Variants in SHLD2 observed in about 807,000 individuals in gnomAD.
SHLD2 encodes the protein shieldin complex subunit 2, also known as RINN1-REV7-interacting novel NHEJ regulator 2.
A neutral mutation model predicts 73.2 loss-of-function variants in SHLD2; 30 were observed. That is an observed-to-expected ratio of 0.41 (90% CI 0.31 to 0.56). The LOEUF is 0.56. Among genes scored for constraint, SHLD2 ranks in the 20% least tolerant of loss-of-function variants. SHLD2 has a pLI of 0.28. For missense variants in SHLD2, 745 were observed against 1,055.9 expected, an observed-to-expected ratio of 0.71 and a Z score of 4.08; for synonymous variants, 285 against 370.1, an observed-to-expected ratio of 0.77 and a Z score of 2.64.
At chr10:87,104,092 G>T (rs909085059) in intron 2 of SHLD2, among the ~76,000 whole-genome samples, 2 of 151,008 alleles carry the variant, frequency 1.3e-5, no homozygotes, top group African/African-American at 4.9e-5. Flanking sequence ...AATCAGCCGG[G>T]CATGATGGCG....
At chr10:87,123,730 A>G (rs1463127217) in intron 2 of SHLD2, among the ~76,000 whole-genome samples, 2 of 152,206 alleles carry the variant, frequency 1.3e-5, no homozygotes, top group East Asian at 1.9e-4. Context: ...CAGATCCCTC[A>G]TGGCATAGTG....
intron 2 of SHLD2, among the ~76,000 whole-genome samples, chr10:87,097,302 T>C (rs1015183472): frequency 6.6e-6 from 1 of 152,266 alleles, no homozygotes; most frequent in African/African-American, 2.4e-5. Flanking sequence ...GGCTCACGCC[T>C]GTAATCCCAG....
intron 2 of SHLD2, among the ~76,000 whole-genome samples, chr10:87,108,344 C>T (rs957911571): frequency 5.3e-5 from 8 of 152,100 alleles, no homozygotes; most frequent in Admixed American, 5.2e-4. Flanking sequence ...CCACTGCGTT[C>T]AGCCTAATTT....
At position 87,191,133 on chromosome 10, in the gene SHLD2, T is replaced by A; in HGVS notation, c.*450T>A. On this transcript the variant is annotated 3_prime_UTR_variant, in exon 10 of 10. Coordinates refer to ENST00000298786, the MANE Select transcript of SHLD2 (RefSeq NM_001330112.2). ...TATAACTATAATGATAATGGATTAG[T>A]TTATATAAACCTATGTTTAGACAAG... is the stretch of plus-strand genomic sequence containing the variant. 5.3e-6 allele frequency: 1 copy of A among 190,390 alleles called. No individual in the cohort carries two copies. Among genetic ancestry groups the A allele is most frequent in the South Asian group, 9.7e-5 (1 of 10,326 alleles). 11.8% of individuals were successfully genotyped at this position (190,390 alleles called of 1,614,324 possible). A position where few individuals can be genotyped will look rare whatever the true frequency, so the allele number is the denominator to read the frequency against.
At chr10:87,138,781 A>G (rs1486197545) in intron 2 of SHLD2, among the ~76,000 whole-genome samples, 2 of 152,244 alleles carry the variant, frequency 1.3e-5, no homozygotes, top group Non-Finnish European at 1.5e-5. Context: ...AGAAAACAGG[A>G]CAAAAATACA....
chr10:87,133,137 C>T (rs573573948), intron 2 of SHLD2, among the ~76,000 whole-genome samples: 6 of 151,860 alleles, frequency 4.0e-5, no homozygotes, highest in East Asian at 1.9e-4. Flanking sequence ...GGAGTTTTGT[C>T]GCTGATATCT....
Position 87,151,924 on chromosome 10 carries a change from G to A in SHLD2, c.570G>A (p.Gly190=). 6.2e-7 allele frequency: 1 copy of A among 1,611,184 alleles called. No individual in the cohort carries two copies. The highest frequency in any genetic ancestry group is 1.1e-5 in the South Asian group (1 of 90,970). Reference sequence around the variant, plus strand: ...GTAGTACTGAAAAAATTAATATAGGGCCTGAAGTGGTACAAAGAGAGTGTG... The same window carrying A: ...GTAGTACTGAAAAAATTAATATAGGACCTGAAGTGGTACAAAGAGAGTGTG... ...LVCSTEKINI[G]PEVVQRECVP... is the part of the protein sequence containing the mutation. The change falls in exon 3 of 10, where the codon GGG becomes GGA. Residue 190 remains glycine, a synonymous_variant. Transcript: ENST00000298786.
chr10:87,107,094 CAAA>C (rs1554827009), intron 2 of SHLD2, among the ~76,000 whole-genome samples: 1 of 110,518 alleles, frequency 9.0e-6, no homozygotes. Context: ...CAATAATTGG[CAAA>C]AAAAAAAAAA....
intron 3 of SHLD2, among the ~76,000 whole-genome samples, chr10:87,154,588 C>T (rs1414529964): frequency 1.3e-5 from 2 of 151,846 alleles, no homozygotes; most frequent in African/African-American, 4.8e-5. Context: ...ACCATGTTGG[C>T]CGGGCTGGTT....
At chr10:87,145,907 A>G (rs554164995) in intron 2 of SHLD2, among the ~76,000 whole-genome samples, 1 of 152,306 alleles carries the variant, frequency 6.6e-6, no homozygotes, top group African/African-American at 2.4e-5. Context: ...AACATATCCT[A>G]GAATTATTGA....
At chr10:87,131,360 C>G (rs903768770) in intron 2 of SHLD2, among the ~76,000 whole-genome samples, 7 of 152,164 alleles carry the variant, frequency 4.6e-5, no homozygotes, top group Admixed American at 4.6e-4. Flanking sequence ...ATTAAGCAGT[C>G]ACTCCCCATT....
upstream of SHLD2, chr10:87,094,551 G>A (rs370668318): frequency 8.7e-6 from 14 of 1,612,208 alleles, no homozygotes; most frequent in Non-Finnish European, 1.2e-5. This position sits in a 1 kb window ranked among gnomAD's most constrained non-coding sequence, Gnocchi z 6.6. Flanking sequence ...CGCGATCGAA[G>A]AAGCCCTCCA....
intron 2 of SHLD2, among the ~76,000 whole-genome samples, chr10:87,128,335 C>T (rs1844185247): frequency 6.6e-6 from 1 of 152,240 alleles, no homozygotes; most frequent in Non-Finnish European, 1.5e-5. Context: ...TATCAGTTGT[C>T]CAAATTTCCC....
At chr10:87,172,902 A>G (rs143719284) in intron 6 of SHLD2, among the ~76,000 whole-genome samples, 3 of 152,194 alleles carry the variant, frequency 2.0e-5, no homozygotes, top group African/African-American at 7.2e-5. Flanking sequence ...GTAGTATTAT[A>G]TGTGCTTTAA....
At chr10:87,167,319 C>T (rs1252883680) in intron 4 of SHLD2, among the ~76,000 whole-genome samples, 1 of 152,136 alleles carries the variant, frequency 6.6e-6, no homozygotes, top group East Asian at 1.9e-4. Context: ...TTTACACATA[C>T]ACAGGAATTT....
intron 3 of SHLD2, among the ~76,000 whole-genome samples, chr10:87,155,732 GTAT>G (rs1277777102): frequency 1.3e-5 from 2 of 151,898 alleles, no homozygotes; most frequent in African/African-American, 4.8e-5. Flanking sequence ...TGCAATCTCT[GTAT>G]TTTTTCCTAA....
chr10:87,096,194 G>A (rs1841866419), intron 1 of SHLD2, among the ~76,000 whole-genome samples: 1 of 151,920 alleles, frequency 6.6e-6, no homozygotes, highest in African/African-American at 2.4e-5. Flanking sequence ...ACAGGCCCGC[G>A]CCACCACGCC....
chr10:87,151,744 G>A lies in SHLD2; in HGVS notation c.390G>A (p.Pro130=), dbSNP rs768568606. The A allele has an allele frequency of 4.3e-5, 70 of 1,611,770 alleles. No homozygotes were observed. Among genetic ancestry groups the A allele is most frequent in the Admixed American group, 6.7e-5 (4 of 59,986 alleles). ...TATGTGGATTTAAAAGCACAGTTCC[G>A]CATTTCACCGAAGAAGAAAAGTATC... The part of the protein sequence containing the change: ...MQICGFKSTV[P]HFTEEEKYQK... The change falls in exon 3 of 10, where the codon CCG becomes CCA. Residue 130 remains proline (P), a synonymous_variant. Coordinates refer to ENST00000298786, the MANE Select transcript of SHLD2 (RefSeq NM_001330112.2).
Position 87,175,902 on chromosome 10 carries a change from A to T in SHLD2, c.1977A>T (p.Glu659Asp). 5 of 1,550,168 alleles carry T rather than the reference A, an allele frequency of 3.2e-6. No homozygotes were observed. The highest frequency in any genetic ancestry group is 3.5e-6 in the Non-Finnish European group (4 of 1,146,778). ...QLQRKKGYIW[E>D]FKYLFVQCNY... is the part of the protein sequence containing the mutation. The stretch of plus-strand genomic sequence containing the variant: ...GTTTTTTTTAAGGTTATATTTGGGA[A>T]TTTAAATATCTTTTTGTTCAGTGCA... The change falls in exon 7 of 10, where the codon GAA (glutamate) becomes GAT (aspartate). Residue 659 changes from glutamate to aspartate, a missense_variant. Around this residue, in one of 5 missense-constraint regions of SHLD2, gnomAD observed 418 missense variants for 567.8 expected, o/e 0.74. Transcript: ENST00000298786.
Sources: allele counts gnomAD v4.1 joint callset (sites outside exome capture counted in the v4.1 genomes callset), GRCh38; gene constraint gnomAD v4.1.1; regional missense constraint gnomAD v4.1.1; non-coding constraint Gnocchi (gnomAD v3.1); transcripts MANE v1.5; gene names NCBI Gene and HGNC (gene_info 2026-07-23, HGNC 2026-07-21).